SMAD2: variants seen among roughly 807,000 people sequenced by gnomAD.
The protein encoded by SMAD2 is SMAD family member 2, also known as MAD homolog 2.
Under a neutral mutation model 64.4 loss-of-function variants are expected in SMAD2, and 8 were observed. The ratio of observed to expected loss-of-function variants is 0.12; its 90% CI spans 0.07 to 0.22. The LOEUF (loss-of-function observed/expected upper bound fraction) is 0.22. Ranked by LOEUF, SMAD2 falls within the 10% of genes least tolerant of loss-of-function variation. The pLI, the probability that SMAD2 is intolerant of heterozygous loss-of-function variation, is 1.00. For synonymous variants in SMAD2, 203 were observed against 195.8 expected, an observed-to-expected ratio of 1.04 and a Z score of -0.31; for missense variants, 289 against 561.2, an observed-to-expected ratio of 0.51 and a Z score of 4.90.
chr18:47,850,304 T>TATATATTATATATA (rs1915087067), intron 7 of SMAD2, among the ~76,000 whole-genome samples: 1 of 36,286 alleles, frequency 2.8e-5, no homozygotes, highest in Non-Finnish European at 4.5e-5. Flanking sequence ...TAATATATAT[T>TATATATTATATATA]ATGTATGTTA....
chr18:47,909,904 G>T (rs1406998443), intron 1 of SMAD2, among the ~76,000 whole-genome samples: 1 of 151,942 alleles, frequency 6.6e-6, no homozygotes, highest in African/African-American at 2.4e-5. Context: ...TCTAAATCAG[G>T]GAGTCATAAG....
chr18:47,892,073 T>C (rs889496502), intron 2 of SMAD2, among the ~76,000 whole-genome samples: 9 of 152,212 alleles, frequency 5.9e-5, no homozygotes, highest in Non-Finnish European at 1.2e-4. Flanking sequence ...GCAAATTTTA[T>C]AGAAAGCCCT....
chr18:47,872,388 A>C (rs1206469803), intron 2 of SMAD2, among the ~76,000 whole-genome samples: 2 of 152,244 alleles, frequency 1.3e-5, no homozygotes, highest in Admixed American at 6.5e-5. Context: ...ATCAAAAAGT[A>C]GAAAAAATAA....
At position 47,868,355 on chromosome 18, in the gene SMAD2, G is replaced by A. The variant is rs2144372963; in HGVS notation, c.623C>T (p.Ala208Val). ...HSIPENTNFP[A>V]GIEPQSNYIP... is the part of the protein sequence containing the mutation. ...ATAATTACTCTGTGGCTCAATTCCT[G>A]CTGGGAAGTTAGTGTTTTCTGGAAT... is the stretch of plus-strand genomic sequence containing the variant. Residue 208 changes from alanine (A) to valine (V), a missense_variant, in exon 5 of 11, where the codon GCA becomes GTA. Physicochemically the swap from Ala to Val is moderately conservative, Grantham distance 64 (BLOSUM62 0). Around this residue, in one of 6 missense-constraint regions of SMAD2, gnomAD observed 119 missense variants for 156.7 expected, o/e 0.76. Coordinates refer to ENST00000262160, the MANE Select transcript of SMAD2 (RefSeq NM_005901.6). The A allele has an allele frequency of 1.9e-6, 3 of 1,612,896 alleles. No homozygotes were observed. The highest frequency in any genetic ancestry group is 2.5e-6 in the Non-Finnish European group (3 of 1,179,156).
chr18:47,904,308 C>A (rs369853465), intron 1 of SMAD2, among the ~76,000 whole-genome samples: 2 of 150,768 alleles, frequency 1.3e-5, no homozygotes, highest in East Asian at 3.9e-4. Flanking sequence ...AACCCAAGGG[C>A]AAGCAAAGAT....
intron 1 of SMAD2, among the ~76,000 whole-genome samples, chr18:47,920,597 A>G (rs2144541417): frequency 6.6e-6 from 1 of 152,328 alleles, no homozygotes; most frequent in Non-Finnish European, 1.5e-5. Flanking sequence ...GAGGTAGGAG[A>G]TGTAAAGGAG....
intron 1 of SMAD2, among the ~76,000 whole-genome samples, chr18:47,916,315 T>C (rs1342965002): frequency 1.3e-5 from 2 of 152,210 alleles, no homozygotes; most frequent in Non-Finnish European, 2.9e-5. Flanking sequence ...CCCTCACGTT[T>C]GGTTGCACTT....
At chr18:47,845,642 T>C (rs757938343) in intron 9 of SMAD2, 21 bp downstream of exon 9, 23 of 1,613,334 alleles carry the variant, frequency 1.4e-5, no homozygotes, top group East Asian at 2.2e-5. Flanking sequence ...GATAGGTTTA[T>C]GTACATTATT....
At position 47,829,520 on chromosome 18, in the gene SMAD2, TTAGG is replaced by T. The variant is rs1407778247; in HGVS notation, c.*12303_*12306del. On this transcript the variant is annotated 3_prime_UTR_variant, in exon 11 of 11. Coordinates refer to ENST00000262160, the MANE Select transcript of SMAD2 (RefSeq NM_005901.6). ...TAAAGAATATAAACAAGCCAGATTC[TTAGG>T]TATCTCTCCCTTTTGTAATTTTGAT... 3.3e-5 allele frequency: 5 copies of T among 152,184 alleles called. No individual in the cohort carries two copies. The highest frequency in any genetic ancestry group is 1.2e-4 in the African/African-American group (5 of 41,418). 9.4% of individuals were successfully genotyped at this position (152,184 alleles called of 1,614,324 possible). A position where few individuals can be genotyped will look rare whatever the true frequency, so the allele number is the denominator to read the frequency against.
Position 47,845,407 on chromosome 18 carries a change from C to T in SMAD2, c.1213G>A (p.Val405Ile), listed in dbSNP as rs1291358405. ...AQSVNQGFEA[V>I]YQLTRMCTIR... is the part of the protein sequence containing the mutation. ...GTGCACATTCTAGTTAGCTGATAGA[C>T]GGCTTCAAAACCCTGATTAACAGAC... The change falls in exon 10 of 11, where the codon GTC becomes ATC. Residue 405 changes from valine (V) to isoleucine (I), a missense_variant. By Grantham distance (29) the Val-to-Ile change is conservative. This residue lies in a region of SMAD2 where 20 missense variants were observed against 82.8 expected (regional missense o/e 0.24). Coordinates refer to ENST00000262160, the MANE Select transcript of SMAD2 (RefSeq NM_005901.6). 6.2e-7 allele frequency: 1 copy of T among 1,613,640 alleles called. No individual in the cohort carries two copies. Among genetic ancestry groups the T allele is most frequent in the Non-Finnish European group, 8.5e-7 (1 of 1,179,616 alleles).
chr18:47,885,191 T>TCC (rs1217501248), intron 2 of SMAD2, among the ~76,000 whole-genome samples: 2 of 106,752 alleles, frequency 1.9e-5, no homozygotes, highest in African/African-American at 7.0e-5. Context: ...ACATATACCC[T>TCC]CCCCCCCCAA....
At position 47,832,238 on chromosome 18, in the gene SMAD2, G is replaced by A. The variant is rs1913024963; in HGVS notation, c.*9589C>T. The stretch of plus-strand genomic sequence containing the variant: ...GCCATTATAAAAATCTCCTGATACA[G>A]AACAGTGTCACTACTTCAAGCTAAG... On this transcript the variant is annotated 3_prime_UTR_variant, in exon 11 of 11. Coordinates refer to ENST00000262160, the MANE Select transcript of SMAD2 (RefSeq NM_005901.6). 6.6e-6 allele frequency: 1 copy of A among 152,176 alleles called. No homozygotes were observed. Among genetic ancestry groups the A allele is most frequent in the South Asian group, 2.1e-4 (1 of 4,830 alleles). 9.4% of individuals were successfully genotyped at this position (152,176 alleles called of 1,614,324 possible).
In SMAD2 at chr18:47,841,091, A is replaced by T. The variant is rs912313611; in HGVS notation, c.*736T>A. ...ATGAGGACAAAAATGGGAATGGAAA[A>T]AAGAGGCTTGGAAAGGTTTTCAGTA... On this transcript the variant is annotated 3_prime_UTR_variant, in exon 11 of 11. Transcript: ENST00000262160. The T allele has an allele frequency of 2.6e-5, 6 of 232,552 alleles. No homozygotes were observed. Among genetic ancestry groups the T allele is most frequent in the African/African-American group, 1.3e-4 (6 of 45,258 alleles). 14.4% of individuals were successfully genotyped at this position (232,552 alleles called of 1,614,324 possible). A position where few individuals can be genotyped will look rare whatever the true frequency, so the allele number is the denominator to read the frequency against.
chr18:47,925,796 T>TG (rs2144554688), intron 1 of SMAD2, among the ~76,000 whole-genome samples: 1 of 152,146 alleles, frequency 6.6e-6, no homozygotes, highest in African/African-American at 2.4e-5. Flanking sequence ...ATGGTGTAGA[T>TG]GGTTTAAGAA....
intron 2 of SMAD2, among the ~76,000 whole-genome samples, chr18:47,883,692 A>C (rs912543221): frequency 6.6e-5 from 10 of 152,286 alleles, no homozygotes; most frequent in African/African-American, 1.9e-4. Context: ...GGTGATTTAG[A>C]TATATCACTT....
chr18:47,925,868 C>T (rs2034741105), intron 1 of SMAD2, among the ~76,000 whole-genome samples: 1 of 152,164 alleles, frequency 6.6e-6, no homozygotes, highest in South Asian at 2.1e-4. Flanking sequence ...TAATACTGGG[C>T]AGAAGTCACA....
intron 7 of SMAD2, among the ~76,000 whole-genome samples, chr18:47,848,908 T>C (rs572217741): frequency 2.6e-5 from 4 of 152,288 alleles, no homozygotes; most frequent in Admixed American, 1.3e-4. Context: ...ACCAGATTTT[T>C]TCAAATTTCT....
chr18:47,818,830 T>G lies in SMAD2; in HGVS notation c.*22997A>C, dbSNP rs1013696372. The stretch of plus-strand genomic sequence containing the variant: ...TTTTGGTTCACAGCTTTCATAAGAT[T>G]ACCTATTCTGCATGTTTACCCAGCT... On this transcript the variant is annotated 3_prime_UTR_variant, in exon 11 of 11. Transcript: ENST00000262160. 6.6e-6 allele frequency: 1 copy of G among 152,244 alleles called. No homozygotes were observed. Among genetic ancestry groups the G allele is most frequent in the Non-Finnish European group, 1.5e-5 (1 of 68,036 alleles). The allele number at this position is 152,244 out of a possible 1,614,324, so 9.4% of individuals were successfully genotyped here. A position where few individuals can be genotyped will look rare whatever the true frequency, so the allele number is the denominator to read the frequency against.
At chr18:47,897,155 C>T (rs569282502) in intron 1 of SMAD2, among the ~76,000 whole-genome samples, 54 of 152,242 alleles carry the variant, frequency 3.5e-4, no homozygotes, top group Non-Finnish European at 7.4e-4. Context: ...CTTTTTAGAA[C>T]TTCACTCTAA....
Sources: gnomAD v4.1 joint callset for allele counts (sites outside exome capture counted in the v4.1 genomes callset) on GRCh38, gnomAD v4.1.1 for gene constraint, gnomAD v4.1.1 regional missense constraint, MANE v1.5 for transcripts, NCBI Gene and HGNC (gene_info 2026-07-23, HGNC 2026-07-21) for gene names.